ZMAT4: variants seen among roughly 807,000 people sequenced by gnomAD.
ZMAT4 encodes zinc finger matrin-type 4.
ZMAT4 carries 17 observed loss-of-function variants against 28.7 expected under a neutral mutation model. That is an observed-to-expected ratio of 0.59 (90% CI 0.41 to 0.89). The LOEUF (loss-of-function observed/expected upper bound fraction) is 0.89. Among genes scored for constraint, ZMAT4 ranks in the 40% least tolerant of loss-of-function variants. The pLI is 0.00. For missense variants in ZMAT4, 240 were observed against 283.8 expected (o/e 0.85, Z 1.11); for synonymous variants, 117 against 109.2 (o/e 1.07, Z -0.44).
chr8:40,696,098 A>T, intron 4 of ZMAT4, among the ~76,000 whole-genome samples: 1 of 152,076 alleles, frequency 6.6e-6, no homozygotes, highest in South Asian at 2.1e-4. Flanking sequence ...AAAGGCTGAA[A>T]CACAACCTGT....
intron 5 of ZMAT4, among the ~76,000 whole-genome samples, chr8:40,625,083 G>GC (rs1434980988): frequency 6.6e-6 from 1 of 152,178 alleles, no homozygotes; most frequent in Non-Finnish European, 1.5e-5. Flanking sequence ...TGAACAATGA[G>GC]CGGGTGGTAG....
At chr8:40,645,833 T>C (rs898561237) in intron 5 of ZMAT4, among the ~76,000 whole-genome samples, 1 of 152,108 alleles carries the variant, frequency 6.6e-6, no homozygotes, top group African/African-American at 2.4e-5. Context: ...AGTATAGTAT[T>C]CACAGTTGTA....
At chr8:40,649,011 A>C (rs1378429026) in intron 5 of ZMAT4, among the ~76,000 whole-genome samples, 1 of 145,936 alleles carries the variant, frequency 6.9e-6, no homozygotes. Flanking sequence ...AAGAAACTGC[A>C]TCAACTAACG....
At chr8:40,724,321 C>T (rs1193223484) in intron 3 of ZMAT4, among the ~76,000 whole-genome samples, 1 of 152,168 alleles carries the variant, frequency 6.6e-6, no homozygotes, top group African/African-American at 2.4e-5. Flanking sequence ...ACCAAAGTCA[C>T]ATAGGAAGTC....
At chr8:40,638,260 T>C (rs915079414) in intron 5 of ZMAT4, among the ~76,000 whole-genome samples, 2 of 152,356 alleles carry the variant, frequency 1.3e-5, no homozygotes, top group Admixed American at 1.3e-4. Context: ...GTAATAGATA[T>C]GCTAATTGGC....
At chr8:40,612,805 G>GTTTTTTTTTTTTTTTTTTTTTT (rs1491257030) in intron 5 of ZMAT4, among the ~76,000 whole-genome samples, 1 of 93,586 alleles carries the variant, frequency 1.1e-5, no homozygotes, top group Non-Finnish European at 2.7e-5. Flanking sequence ...CTGTATTTTG[G>GTTTTTTTTTTTTTTTTTTTTTT]TTTTTGTTTT....
intron 2 of ZMAT4, among the ~76,000 whole-genome samples, chr8:40,786,338 T>A (rs1470070663): frequency 6.6e-6 from 1 of 152,118 alleles, no homozygotes; most frequent in Non-Finnish European, 1.5e-5. Flanking sequence ...TTTTACTAGA[T>A]TAAACCAATT....
At chr8:40,893,986 T>C (rs1040839432) in intron 1 of ZMAT4, among the ~76,000 whole-genome samples, 1 of 152,234 alleles carries the variant, frequency 6.6e-6, no homozygotes, top group Admixed American at 6.5e-5. Context: ...CACACCTTAG[T>C]ATGAATGAGT....
At chr8:40,847,692 C>A (rs528591025) in intron 1 of ZMAT4, among the ~76,000 whole-genome samples, 1 of 152,282 alleles carries the variant, frequency 6.6e-6, no homozygotes, top group South Asian at 2.1e-4. Flanking sequence ...TCCTTCCCCC[C>A]TAAATTTCAC....
chr8:40,573,525 T>C (rs1218267364), intron 6 of ZMAT4, among the ~76,000 whole-genome samples: 1 of 152,184 alleles, frequency 6.6e-6, no homozygotes, highest in Non-Finnish European at 1.5e-5. Flanking sequence ...TTACTGTAGA[T>C]TTCGGATGAT....
At chr8:40,589,597 C>T (rs1300934587) in intron 5 of ZMAT4, among the ~76,000 whole-genome samples, 4 of 152,084 alleles carry the variant, frequency 2.6e-5, no homozygotes, top group Non-Finnish European at 2.9e-5. Context: ...CTCCAGACTC[C>T]ATAGGGTTTG....
At chr8:40,741,684 G>A (rs1812010576) in intron 3 of ZMAT4, among the ~76,000 whole-genome samples, 1 of 152,194 alleles carries the variant, frequency 6.6e-6, no homozygotes, top group Non-Finnish European at 1.5e-5. Flanking sequence ...AGCAAGGGCA[G>A]CCTGGCTACA....
chr8:40,870,560 A>T (rs1186800398), intron 1 of ZMAT4, among the ~76,000 whole-genome samples: 1 of 152,180 alleles, frequency 6.6e-6, no homozygotes, highest in Admixed American at 6.5e-5. Flanking sequence ...GAAGTGAATT[A>T]TTTATTCCAG....
At chr8:40,630,583 G>T (rs1282132449) in intron 5 of ZMAT4, among the ~76,000 whole-genome samples, 1 of 152,202 alleles carries the variant, frequency 6.6e-6, no homozygotes, top group Non-Finnish European at 1.5e-5. Context: ...TGGTTGACTG[G>T]TGGGAAAATG....
At chr8:40,648,476 T>C (rs1462923826) in intron 5 of ZMAT4, among the ~76,000 whole-genome samples, 1 of 151,070 alleles carries the variant, frequency 6.6e-6, no homozygotes, top group Non-Finnish European at 1.5e-5. Context: ...ATGGGGAGAA[T>C]GGAACCAAGT....
At chr8:40,765,449 A>G (rs1403886102) in intron 3 of ZMAT4, among the ~76,000 whole-genome samples, 1 of 152,184 alleles carries the variant, frequency 6.6e-6, no homozygotes, top group African/African-American at 2.4e-5. Flanking sequence ...AGACGATTTT[A>G]TTGCTTTTTC....
intron 3 of ZMAT4, among the ~76,000 whole-genome samples, chr8:40,698,903 T>A (rs1292499303): frequency 6.6e-6 from 1 of 151,858 alleles, no homozygotes; most frequent in Non-Finnish European, 1.5e-5. Context: ...GCTTTCCCAA[T>A]AGGTCCTCTC....
chr8:40,622,169 C>G (rs1184131817), intron 5 of ZMAT4, among the ~76,000 whole-genome samples: 2 of 152,108 alleles, frequency 1.3e-5, no homozygotes, highest in Non-Finnish European at 2.9e-5. Context: ...TTTCACTAAC[C>G]AATTACTATG....
intron 1 of ZMAT4, among the ~76,000 whole-genome samples, chr8:40,845,554 C>T (rs1586157588): frequency 6.6e-6 from 1 of 151,080 alleles, no homozygotes; most frequent in Admixed American, 6.6e-5. Flanking sequence ...TTATAGCAGC[C>T]TTCTGAAAAA....
Sources: gnomAD v4.1 joint callset for allele counts (sites outside exome capture counted in the v4.1 genomes callset) on GRCh38, gnomAD v4.1.1 for gene constraint, MANE v1.5 for transcripts, NCBI Gene and HGNC (gene_info 2026-07-23, HGNC 2026-07-21) for gene names.